DLGAP1: variants seen among roughly 807,000 people sequenced by gnomAD.
DLGAP1 encodes the protein DLG associated protein 1.
A neutral mutation model predicts 90.8 loss-of-function variants in DLGAP1; 11 were observed. The ratio of observed to expected loss-of-function variants is 0.12; its 90% CI spans 0.08 to 0.20. The LOEUF (loss-of-function observed/expected upper bound fraction) is 0.20. DLGAP1 is among the 10% of genes least tolerant of loss of function. The pLI is 1.00. For synonymous variants in DLGAP1, 558 were observed against 540.7 expected (o/e 1.03, Z -0.44); for missense variants, 1,050 against 1,333.8 (o/e 0.79, Z 3.31).
At chr18:4,027,568 A>G (rs2074724236) in intron 2 of DLGAP1, among the ~76,000 whole-genome samples, 1 of 149,466 alleles carries the variant, frequency 6.7e-6, no homozygotes, top group Admixed American at 6.7e-5. Context: ...AAATTAAATG[A>G]GACGGCACAC....
intron 1 of DLGAP1, among the ~76,000 whole-genome samples, chr18:4,403,292 A>T (rs995532391): frequency 6.6e-6 from 1 of 152,184 alleles, no homozygotes; most frequent in Non-Finnish European, 1.5e-5. Context: ...CTTCCCTATG[A>T]TCAACTAAAA....
intron 3 of DLGAP1, among the ~76,000 whole-genome samples, chr18:3,905,742 A>G (rs998464700): frequency 3.3e-5 from 5 of 152,170 alleles, no homozygotes; most frequent in Non-Finnish European, 7.4e-5. Flanking sequence ...AAGATCCCCA[A>G]AGTGTGTTAT....
chr18:3,667,526 T>C (rs1223594698), intron 7 of DLGAP1, among the ~76,000 whole-genome samples: 1 of 152,128 alleles, frequency 6.6e-6, no homozygotes, highest in African/African-American at 2.4e-5. Context: ...TCCGGTGGAC[T>C]AGGGAAGATT....
intron 1 of DLGAP1, among the ~76,000 whole-genome samples, chr18:4,423,100 T>C (rs2083077572): frequency 6.6e-6 from 1 of 152,140 alleles, no homozygotes. Context: ...CTTTTGTAGC[T>C]CAAACCTAAA....
intron 7 of DLGAP1, among the ~76,000 whole-genome samples, chr18:3,610,484 TA>T (rs2057553727): frequency 6.6e-6 from 1 of 152,140 alleles, no homozygotes; most frequent in Non-Finnish European, 1.5e-5. Context: ...CTCCCTGCCA[TA>T]ACCTATTTTG....
intron 4 of DLGAP1, among the ~76,000 whole-genome samples, chr18:3,820,514 T>C (rs556002048): frequency 4.9e-4 from 75 of 152,318 alleles, no homozygotes; most frequent in African/African-American, 1.6e-3. Flanking sequence ...ATTTGCACAG[T>C]TACCCCTCAG....
chr18:3,893,329 C>T (rs543161580), intron 3 of DLGAP1, among the ~76,000 whole-genome samples: 9 of 152,058 alleles, frequency 5.9e-5, no homozygotes, highest in Middle Eastern at 3.4e-3. Context: ...GTAATTCCAG[C>T]GCTTTGGGAG....
At chr18:3,655,972 G>T in intron 7 of DLGAP1, 1 of 1,002,678 alleles carries the variant, frequency 1.0e-6, no homozygotes, top group Non-Finnish European at 1.4e-6. Flanking sequence ...GGCAATAGCT[G>T]GCAATTCGCA....
chr18:3,723,638 G>A (rs2062055683), intron 7 of DLGAP1, among the ~76,000 whole-genome samples: 1 of 152,012 alleles, frequency 6.6e-6, no homozygotes, highest in Middle Eastern at 3.2e-3. Flanking sequence ...GTGGTCTCCT[G>A]GGTAGGATGA....
intron 7 of DLGAP1, among the ~76,000 whole-genome samples, chr18:3,642,757 A>C (rs2058983186): frequency 6.6e-6 from 1 of 152,200 alleles, no homozygotes; most frequent in Admixed American, 6.5e-5. Flanking sequence ...TTGTATCATA[A>C]GCCTTCATAT....
intron 1 of DLGAP1, among the ~76,000 whole-genome samples, chr18:4,432,935 A>G (rs567177134): frequency 1.3e-5 from 2 of 152,196 alleles, no homozygotes; most frequent in Admixed American, 1.3e-4. Flanking sequence ...TTTTTAAAAA[A>G]AACACTAAGT....
At chr18:3,758,985 C>T (rs148718452) in intron 5 of DLGAP1, among the ~76,000 whole-genome samples, 1,615 of 152,244 alleles carry the variant, frequency 0.011, 37 homozygotes, top group African/African-American at 0.037. Flanking sequence ...TCAGTTTATA[C>T]ACAGGGACAA....
intron 1 of DLGAP1, among the ~76,000 whole-genome samples, chr18:4,261,485 TC>T (rs2079001579): frequency 6.6e-6 from 1 of 152,210 alleles, no homozygotes; most frequent in Non-Finnish European, 1.5e-5. Context: ...CCTCTGCTTT[TC>T]TTCTTCATGG....
chr18:3,801,880 A>G (rs994089479), intron 5 of DLGAP1, among the ~76,000 whole-genome samples: 5 of 152,206 alleles, frequency 3.3e-5, no homozygotes, highest in Non-Finnish European at 4.4e-5. Context: ...TCATGTAAAT[A>G]ATATAGAATA....
chr18:3,837,488 A>C (rs2068455218), intron 4 of DLGAP1, among the ~76,000 whole-genome samples: 1 of 152,188 alleles, frequency 6.6e-6, no homozygotes, highest in Admixed American at 6.5e-5. Flanking sequence ...ACAATACTAA[A>C]TTTTTAAAAA....
Position 3,779,893 on chromosome 18 carries a change from G to A in DLGAP1, c.1172+34166C>T, listed in dbSNP as rs569434505. 1.4e-3 allele frequency among the ~76,000 whole-genome samples: 211 copies of A among 151,730 alleles called. 1 individual carries two copies. The highest frequency in any genetic ancestry group is 4.7e-3 in the African/African-American group (194 of 41,320). On this transcript the variant is annotated intron_variant, in intron 5 of 12. Coordinates refer to ENST00000315677, the MANE Select transcript of DLGAP1 (RefSeq NM_004746.4). ...CAACCTCCACCTCCCGGGTTCAAGCGATTCTCCTGCCTCAGCTTTCCAAGT... is the reference window on the plus strand; with the variant it reads ...CAACCTCCACCTCCCGGGTTCAAGCAATTCTCCTGCCTCAGCTTTCCAAGT...
chr18:4,006,339 A>G (rs2074300055), intron 2 of DLGAP1, among the ~76,000 whole-genome samples: 1 of 152,222 alleles, frequency 6.6e-6, no homozygotes, highest in African/African-American at 2.4e-5. Context: ...AAAAAGTCCA[A>G]GAAGCACTTG....
intron 2 of DLGAP1, among the ~76,000 whole-genome samples, chr18:4,095,684 G>T (rs2143808840): frequency 6.6e-6 from 1 of 152,118 alleles, no homozygotes; most frequent in East Asian, 1.9e-4. Flanking sequence ...TGGTGACAGG[G>T]TGTGTCTGTG....
chr18:4,044,904 T>C (rs887755221), intron 2 of DLGAP1, among the ~76,000 whole-genome samples: 1 of 152,076 alleles, frequency 6.6e-6, no homozygotes, highest in Non-Finnish European at 1.5e-5. Context: ...TGTTTACAAA[T>C]GTCTTGTTGA....
Sources: allele counts gnomAD v4.1 joint callset (sites outside exome capture counted in the v4.1 genomes callset), GRCh38; gene constraint gnomAD v4.1.1; transcripts MANE v1.5; gene names NCBI Gene and HGNC (gene_info 2026-07-23, HGNC 2026-07-21).